The following PSPC1 variants were observed in gnomAD, a reference collection of about 807,000 sequenced individuals.
The protein encoded by PSPC1 is paraspeckle component 1, also known as paraspeckle protein 1.
A neutral mutation model predicts 51.6 loss-of-function variants in PSPC1; 14 were observed. That is an observed-to-expected ratio of 0.27 (90% CI 0.18 to 0.42). The LOEUF is 0.42. PSPC1 is among the 10% of genes least tolerant of loss of function. PSPC1 has a pLI of 1.00. For synonymous variants in PSPC1, 193 were observed against 231.9 expected (o/e 0.83, Z 1.53); for missense variants, 406 against 701.1 (o/e 0.58, Z 4.75).
intron 6 of PSPC1, among the ~76,000 whole-genome samples, chr13:19,722,074 T>C (rs1360301165): frequency 6.6e-6 from 1 of 152,208 alleles, no homozygotes; most frequent in African/African-American, 2.4e-5. Flanking sequence ...TCAGTTTACA[T>C]CTAAGTAACT....
intron 4 of PSPC1, among the ~76,000 whole-genome samples, chr13:19,748,044 T>C (rs1478462387): frequency 1.3e-5 from 2 of 152,010 alleles, no homozygotes; most frequent in African/African-American, 4.8e-5. Flanking sequence ...TGAAACCCCA[T>C]CTCTACTAAA....
intron 2 of PSPC1, among the ~76,000 whole-genome samples, chr13:19,771,939 A>T (rs1888663628): frequency 1.3e-5 from 2 of 152,202 alleles, no homozygotes; most frequent in Non-Finnish European, 2.9e-5. Flanking sequence ...AGGTGTCAAT[A>T]AAGCTGATTA....
chr13:19,698,446 G>T (rs192949022), downstream of PSPC1, among the ~76,000 whole-genome samples: 38 of 151,920 alleles, frequency 2.5e-4, no homozygotes, highest in Non-Finnish European at 4.4e-4. Flanking sequence ...CGTATTTAAT[G>T]AATAATTTGT....
At chr13:19,732,967 T>G (rs1328357343) in intron 5 of PSPC1, among the ~76,000 whole-genome samples, 1 of 150,758 alleles carries the variant, frequency 6.6e-6, no homozygotes, top group Non-Finnish European at 1.5e-5. Context: ...AAACACCAAC[T>G]TTTTAGTCTC....
intron 3 of PSPC1, 80 bp downstream of exon 3, chr13:19,759,242 CT>C: frequency 9.3e-7 from 1 of 1,071,438 alleles, no homozygotes; most frequent in South Asian, 1.3e-5. Context: ...AACAGAACAC[CT>C]CATAATCCAA....
chr13:19,751,165 T>C lies in PSPC1; in HGVS notation c.967+106A>G, dbSNP rs890145188. On this transcript the variant is annotated intron_variant, in intron 4 of 8. Coordinates refer to ENST00000338910, the MANE Select transcript of PSPC1 (RefSeq NM_001354909.2). Reference sequence around the variant, plus strand: ...CACCTAATATGTTGAGTTCCAACTTTACCTCTAAACTCCTAAATGGCACTT... The same window carrying C: ...CACCTAATATGTTGAGTTCCAACTTCACCTCTAAACTCCTAAATGGCACTT... The C allele has an allele frequency of 2.7e-5, 23 of 842,670 alleles. No homozygotes were observed. The African/African-American group carries it at 3.5e-4, about 13-fold the overall frequency. The allele number at this position is 842,670 out of a possible 1,614,324, so 52.2% of individuals were successfully genotyped here.
At chr13:19,718,240 AT>A (rs1882359518) in intron 6 of PSPC1, among the ~76,000 whole-genome samples, 1 of 152,194 alleles carries the variant, frequency 6.6e-6, no homozygotes, top group Non-Finnish European at 1.5e-5. Flanking sequence ...AGTTTAAAAA[AT>A]ATAAGACAAT....
chr13:19,691,389 A>G (rs1014167332), intron 6 of PSPC1, among the ~76,000 whole-genome samples: 3 of 151,940 alleles, frequency 2.0e-5, no homozygotes, highest in Non-Finnish European at 2.9e-5. Context: ...AAAAGTAGCT[A>G]GGCATGGTGG....
chr13:19,697,085 G>C (rs776540089), intron 6 of PSPC1, among the ~76,000 whole-genome samples: 7 of 152,194 alleles, frequency 4.6e-5, no homozygotes, highest in Admixed American at 1.3e-4. Context: ...TACTGGGACA[G>C]TCAACTACAG....
chr13:19,735,816 T>C (rs1330421597), intron 5 of PSPC1, among the ~76,000 whole-genome samples: 1 of 151,770 alleles, frequency 6.6e-6, no homozygotes, highest in Non-Finnish European at 1.5e-5. Context: ...ACTGCAAAAC[T>C]ACTCAAAAAA....
intron 6 of PSPC1, among the ~76,000 whole-genome samples, chr13:19,713,086 A>T (rs1025211946): frequency 1.3e-5 from 2 of 152,216 alleles, no homozygotes; most frequent in African/African-American, 4.8e-5. Context: ...GTGCCCACCC[A>T]ACAAGCAATA....
chr13:19,679,592 C>T (rs760450772), intron 6 of PSPC1, among the ~76,000 whole-genome samples: 13 of 152,154 alleles, frequency 8.5e-5, no homozygotes, highest in Non-Finnish European at 1.8e-4. Context: ...ATTCCCTAAA[C>T]AATATAGCTC....
At chr13:19,705,440 C>G (rs893624871) in intron 8 of PSPC1, among the ~76,000 whole-genome samples, 1 of 151,944 alleles carries the variant, frequency 6.6e-6, no homozygotes, top group Non-Finnish European at 1.5e-5. Flanking sequence ...TTGCAGCAAG[C>G]CAAGATCGTG....
chr13:19,684,957 T>A (rs145159991), intron 6 of PSPC1, among the ~76,000 whole-genome samples: 89 of 152,336 alleles, frequency 5.8e-4, no homozygotes, highest in African/African-American at 2.1e-3. Flanking sequence ...GAGACTAAAG[T>A]CTAAAAACAG....
At chr13:19,742,611 C>T (rs535279426) in intron 4 of PSPC1, among the ~76,000 whole-genome samples, 2 of 152,160 alleles carry the variant, frequency 1.3e-5, no homozygotes, top group East Asian at 1.9e-4. Flanking sequence ...TGGAGGTGCA[C>T]GCCTGTAATT....
At chr13:19,693,161 GC>G (rs938108902) in intron 6 of PSPC1, among the ~76,000 whole-genome samples, 2 of 152,162 alleles carry the variant, frequency 1.3e-5, no homozygotes, top group Admixed American at 1.3e-4. Flanking sequence ...ACATCATGTT[GC>G]CACCCCACAA....
chr13:19,721,382 G>A (rs1882747512), intron 6 of PSPC1, among the ~76,000 whole-genome samples: 1 of 151,976 alleles, frequency 6.6e-6, no homozygotes, highest in Non-Finnish European at 1.5e-5. Flanking sequence ...CCTCTTCTCC[G>A]ATTGCTCAAA....
rs750493992 is a variant in PSPC1, at chr13:19,703,148, T to C, written c.*27A>G. 3.1e-6 allele frequency: 5 copies of C among 1,605,948 alleles called. No homozygotes were observed. The highest frequency in any genetic ancestry group is 2.2e-5 in the East Asian group (1 of 44,784). On this transcript the variant is annotated 3_prime_UTR_variant, in exon 9 of 9. Transcript: ENST00000338910. ...AAGGCATACCACTGACTTTTTTTTT[T>C]CTAGATAGCCAGGAATGAACGAATG...
At chr13:19,684,799 G>A (rs958605975) in intron 6 of PSPC1, among the ~76,000 whole-genome samples, 1 of 152,190 alleles carries the variant, frequency 6.6e-6, no homozygotes, top group Non-Finnish European at 1.5e-5. Flanking sequence ...TTCTTCTGCT[G>A]CCCCATTTGG....
Sources: allele counts gnomAD v4.1 joint callset (sites outside exome capture counted in the v4.1 genomes callset), GRCh38; gene constraint gnomAD v4.1.1; transcripts MANE v1.5; gene names NCBI Gene and HGNC (gene_info 2026-07-23, HGNC 2026-07-21).